The following EPG5 variants were observed in gnomAD, a reference collection of about 807,000 sequenced individuals.
EPG5 encodes the protein ectopic P granules protein 5 homolog.
Under a neutral mutation model 302.7 loss-of-function variants are expected in EPG5, and 159 were observed. The ratio of observed to expected loss-of-function variants is 0.53; its 90% CI spans 0.46 to 0.60. The LOEUF is 0.60. EPG5 is among the 20% of genes least tolerant of loss of function. EPG5 has a pLI of 0.00. For missense variants in EPG5, 2,896 were observed against 3,092.4 expected (o/e 0.94, Z 1.51); for synonymous variants, 1,158 against 1,136.8 (o/e 1.02, Z -0.37).
At chr18:45,921,566 C>A (rs954754657) in intron 16 of EPG5, among the ~76,000 whole-genome samples, 3 of 152,140 alleles carry the variant, frequency 2.0e-5, no homozygotes, top group Non-Finnish European at 4.4e-5. Context: ...ATAACTGAAT[C>A]TCTGAGAAAA....
At position 45,849,900 on chromosome 18, in the gene EPG5, G is replaced by A. The variant is rs1269533238; in HGVS notation, c.*2567C>T. 1.3e-5 allele frequency: 2 copies of A among 152,212 alleles called. No individual in the cohort carries two copies. Among genetic ancestry groups the A allele is most frequent in the Non-Finnish European group, 2.9e-5 (2 of 68,048 alleles). The allele number at this position is 152,212 out of a possible 1,614,324, so 9.4% of individuals were successfully genotyped here. ...GTAGACAGTTGTGTAGACACATCTG[G>A]CAGGACCTCCCTCCCTCTATGTCTG... On this transcript the variant is annotated 3_prime_UTR_variant, in exon 44 of 44. Coordinates refer to ENST00000282041, the MANE Select transcript of EPG5 (RefSeq NM_020964.3).
At chr18:45,809,866 C>T in the EPG5 span, among the ~76,000 whole-genome samples, 6 of 151,756 alleles carry the variant, frequency 4.0e-5, no homozygotes, top group Non-Finnish European at 8.8e-5. Context: ...AAGAAATAAC[C>T]AAGATTAGAG....
At position 45,866,989 on chromosome 18, in the gene EPG5, G is replaced by C; in HGVS notation, c.6430C>G (p.Leu2144Val). ...VDQTDSPLLSLLGQTSSLSWH... is the reference protein window; with the variant it reads ...VDQTDSPLLSVLGQTSSLSWH... ...GAAAGTGAGCTTGTCTGTCCAAGGAGACTAAGTAAAGGTGAATCCTAAAAA... is the reference window on the plus strand; with the variant it reads ...GAAAGTGAGCTTGTCTGTCCAAGGACACTAAGTAAAGGTGAATCCTAAAAA... Residue 2144 changes from leucine to valine, a missense_variant, in exon 38 of 44, where the codon CTC (leucine) becomes GTC (valine). Physicochemically the swap from Leu to Val is conservative, Grantham distance 32 (BLOSUM62 1). Transcript: ENST00000282041. The C allele has an allele frequency of 6.2e-7, 1 of 1,613,918 alleles. No individual in the cohort carries two copies. Among genetic ancestry groups the C allele is most frequent in the Non-Finnish European group, 8.5e-7 (1 of 1,179,808 alleles).
At chr18:45,948,428 G>T in intron 6 of EPG5, 75 bp downstream of exon 6, 1 of 1,144,740 alleles carries the variant, frequency 8.7e-7, no homozygotes, top group South Asian at 1.2e-5. Flanking sequence ...TTTGGATCTA[G>T]GCAGTTTCAG....
chr18:45,882,328 G>A lies in EPG5; in HGVS notation c.5464C>T (p.Leu1822Phe). The A allele has an allele frequency of 6.2e-7, 1 of 1,614,176 alleles. No individual in the cohort carries two copies. Among genetic ancestry groups the A allele is most frequent in the Non-Finnish European group, 8.5e-7 (1 of 1,180,034 alleles). ...NLFCKHWTYLLLYQFPDQYSD... is the reference protein window; with the variant it reads ...NLFCKHWTYLFLYQFPDQYSD... ...TACTGGTCAGGAAACTGGTAGAGAA[G>A]AAGATAAGTCCAGTGCTTACAGAAA... Residue 1822 changes from leucine to phenylalanine, a missense_variant, in exon 31 of 44, where the codon CTT becomes TTT. Physicochemically the swap from Leu to Phe is conservative, Grantham distance 22. This residue lies in a region of EPG5 where 790 missense variants were observed against 798.0 expected (regional missense o/e 0.99). Transcript: ENST00000282041.
chr18:45,932,142 A>G (rs1281600373), intron 11 of EPG5, among the ~76,000 whole-genome samples: 1 of 151,986 alleles, frequency 6.6e-6, no homozygotes, highest in Non-Finnish European at 1.5e-5. Flanking sequence ...ATTTAAAAAG[A>G]AAAAAAAGAA....
chr18:45,936,807 A>G lies in EPG5; in HGVS notation c.2100-1841T>C, dbSNP rs1482739459. Among the ~76,000 whole-genome samples, 7 of 151,994 alleles carry G rather than the reference A, an allele frequency of 4.6e-5. No individual in the cohort carries two copies. In the East Asian group the frequency reaches 1.3e-3, roughly 29 times the overall value. On this transcript the variant is annotated intron_variant, in intron 10 of 43. Transcript: ENST00000282041. ...ATTAAAAAAAAAAAAACTTAAAAAA[A>G]TACGAGGCACTCAAAGCTGTTGCCG...
At chr18:45,963,873 T>A (rs2051197469) in intron 1 of EPG5, among the ~76,000 whole-genome samples, 1 of 152,116 alleles carries the variant, frequency 6.6e-6, no homozygotes, top group South Asian at 2.1e-4. Flanking sequence ...AAGAGGCCAG[T>A]TTAGAAGAAA....
the EPG5 span, among the ~76,000 whole-genome samples, chr18:45,820,037 C>G: frequency 3.9e-5 from 6 of 152,082 alleles, no homozygotes; most frequent in Admixed American, 3.9e-4. Context: ...AAGCTGGGAC[C>G]CAGTTTCACC....
chr18:45,842,252 G>A, the EPG5 span: 1 of 1,573,340 alleles, frequency 6.4e-7, no homozygotes, highest in South Asian at 1.1e-5. Context: ...GCGAGGCTTG[G>A]CTGGCACAGC....
intron 16 of EPG5, among the ~76,000 whole-genome samples, chr18:45,921,745 A>C (rs2050158079): frequency 6.6e-6 from 1 of 152,022 alleles, no homozygotes; most frequent in African/African-American, 2.4e-5. Context: ...TCTCACTCAT[A>C]GGTGGAAATT....
chr18:45,875,325 C>A (rs1266995574), intron 35 of EPG5, among the ~76,000 whole-genome samples: 1 of 152,030 alleles, frequency 6.6e-6, no homozygotes, highest in Non-Finnish European at 1.5e-5. Flanking sequence ...CATAAGACAA[C>A]CCCCAACAGG....
the EPG5 span, among the ~76,000 whole-genome samples, chr18:45,814,568 G>C: frequency 6.6e-6 from 1 of 152,190 alleles, no homozygotes; most frequent in East Asian, 1.9e-4. Flanking sequence ...TTATGTAAGA[G>C]AAAGTTAGAA....
intron 38 of EPG5, 76 bp from the exon 39 acceptor site, chr18:45,865,835 T>C (rs548818898): frequency 2.8e-5 from 41 of 1,483,262 alleles, no homozygotes; most frequent in East Asian, 1.4e-4. Context: ...CCTGGGAGCA[T>C]GGCACTGCAA....
rs200372908 is a variant in EPG5 at position 45,880,159 on chromosome 18, G to A, written c.5583C>T (p.Cys1861=). ...WKATLRALGC[C]APSCQQGAAS... ...CTGCCCCCTGCTGGCAGCTGGGGGC[G>A]CAGCAGCCCAGGGCTCTCAGAGTGG... is the stretch of plus-strand genomic sequence containing the variant. Residue 1861 remains cysteine, a synonymous_variant, in exon 32 of 44, where the codon TGC becomes TGT. Transcript: ENST00000282041. 2.1e-3 allele frequency: 3,431 copies of A among 1,611,458 alleles called. 9 individuals carry two copies. Among genetic ancestry groups the A allele is most frequent in the African/African-American group, 8.4e-3 (633 of 74,994 alleles).
chr18:45,813,121 G>A, the EPG5 span, among the ~76,000 whole-genome samples: 11 of 152,160 alleles, frequency 7.2e-5, no homozygotes, highest in South Asian at 2.1e-4. Context: ...GAACAGACAC[G>A]TCTCAAAAGA....
At chr18:45,874,139 A>G (rs947950772) in intron 35 of EPG5, among the ~76,000 whole-genome samples, 2 of 152,230 alleles carry the variant, frequency 1.3e-5, no homozygotes, top group African/African-American at 4.8e-5. Flanking sequence ...AAGAGAGAAC[A>G]CTAATGTAAA....
chr18:45,840,584 T>G, the EPG5 span, among the ~76,000 whole-genome samples: 25 of 152,294 alleles, frequency 1.6e-4, no homozygotes, highest in African/African-American at 6.0e-4. Flanking sequence ...CTGAAGGCTT[T>G]GCAAACAAAA....
chr18:45,930,404 A>G (rs2050373423), intron 12 of EPG5, among the ~76,000 whole-genome samples: 1 of 152,186 alleles, frequency 6.6e-6, no homozygotes, highest in Non-Finnish European at 1.5e-5. Context: ...TACATCATAA[A>G]AACTGTGTCA....
Sources: allele counts gnomAD v4.1 joint callset (sites outside exome capture counted in the v4.1 genomes callset), GRCh38; gene constraint gnomAD v4.1.1; regional missense constraint gnomAD v4.1.1; transcripts MANE v1.5; gene names NCBI Gene and HGNC (gene_info 2026-07-23, HGNC 2026-07-21).